Variants in C10orf90 observed in about 807,000 individuals in gnomAD.
C10orf90 encodes (E2-independent) E3 ubiquitin-conjugating enzyme FATS.
A neutral mutation model predicts 62.5 loss-of-function variants in C10orf90; 56 were observed. The ratio of observed to expected loss-of-function variants is 0.90; its 90% CI spans 0.72 to 1.12. The LOEUF (loss-of-function observed/expected upper bound fraction) is 1.12, where lower values mean the gene tolerates loss of function less well. C10orf90 is among the 50% of genes most tolerant of loss of function. The probability of loss-of-function intolerance (pLI) is 0.00; values close to 1 mark genes in which losing one functional copy is unlikely to be tolerated. For synonymous variants in C10orf90, 386 were observed against 340.4 expected (o/e 1.13, Z -1.47); for missense variants, 970 against 880.4 (o/e 1.10, Z -1.29).
At chr10:126,631,017 A>G (rs1744878172) in intron 2 of C10orf90, among the ~76,000 whole-genome samples, 1 of 151,900 alleles carries the variant, frequency 6.6e-6, no homozygotes, top group South Asian at 2.1e-4. Flanking sequence ...ACCCTTCCAC[A>G]CCTCTAGAAG....
At chr10:126,522,615 C>T (rs939818599) in intron 2 of C10orf90, 1 of 152,206 alleles carries the variant, frequency 6.6e-6, no homozygotes, top group East Asian at 1.9e-4. Context: ...ACCTGCTAAA[C>T]GCTGGACAGG....
At chr10:126,488,211 T>C (rs528200482) in intron 4 of C10orf90, among the ~76,000 whole-genome samples, 6 of 152,230 alleles carry the variant, frequency 3.9e-5, no homozygotes, top group African/African-American at 1.2e-4. Context: ...TGTATGATAA[T>C]AACTAGCAAA....
chr10:126,505,140 T>G (rs1862657228), intron 3 of C10orf90, 55 bp from the exon 4 acceptor site: 1 of 1,520,212 alleles, frequency 6.6e-7, no homozygotes, highest in African/African-American at 1.4e-5. Flanking sequence ...ATATAGACAG[T>G]AAACTCTCTT....
intron 2 of C10orf90, among the ~76,000 whole-genome samples, chr10:126,635,785 T>G (rs1845939449): frequency 6.6e-6 from 1 of 152,154 alleles, no homozygotes; most frequent in Admixed American, 6.5e-5. Flanking sequence ...TTTAATCTGT[T>G]ATATAACCTG....
intron 2 of C10orf90, among the ~76,000 whole-genome samples, chr10:126,528,370 G>A (rs1164143884): frequency 6.6e-6 from 1 of 152,144 alleles, no homozygotes; most frequent in African/African-American, 2.4e-5. Flanking sequence ...AAAAGGAGAA[G>A]CGTGTGTGGG....
chr10:126,601,962 A>G (rs1429600321), intron 2 of C10orf90, among the ~76,000 whole-genome samples: 1 of 152,252 alleles, frequency 6.6e-6, no homozygotes, highest in Non-Finnish European at 1.5e-5. Context: ...CGACTGTCCT[A>G]AAGATGAATA....
Position 126,532,857 on chromosome 10 carries a change from AT to A in C10orf90, c.314-18919del, listed in dbSNP as rs1458309203. ...GACTACGTCTCAAAAAAAAAAAAAA[AT>A]AGTGAGCACAAAACAAGTGTTTTCA... On this transcript the variant is annotated intron_variant, in intron 2 of 9. Coordinates refer to ENST00000488181, the MANE Select transcript of C10orf90 (RefSeq NM_001350921.2). Among the ~76,000 whole-genome samples, 6 of 77,718 alleles carry A rather than the reference AT, an allele frequency of 7.7e-5. 1 individual carries two copies. Among genetic ancestry groups the A allele is most frequent in the Non-Finnish European group, 1.0e-4 (3 of 29,812 alleles). The allele number at this position is 77,718 out of a possible 152,430, so 51.0% of individuals were successfully genotyped here.
intron 2 of C10orf90, among the ~76,000 whole-genome samples, chr10:126,540,743 C>T (rs1024396812): frequency 3.3e-5 from 5 of 150,550 alleles, no homozygotes; most frequent in South Asian, 2.1e-4. Context: ...TACTGCATAT[C>T]GAAACCTACA....
intron 4 of C10orf90, among the ~76,000 whole-genome samples, chr10:126,469,294 C>A (rs1860445795): frequency 1.3e-5 from 2 of 152,294 alleles, no homozygotes; most frequent in South Asian, 4.1e-4. Context: ...AAACTTAGCT[C>A]TTTAGAACAT....
chr10:126,622,967 A>G (rs1845674951), intron 2 of C10orf90, among the ~76,000 whole-genome samples: 1 of 152,248 alleles, frequency 6.6e-6, no homozygotes, highest in African/African-American at 2.4e-5. Flanking sequence ...TTCGCACGAA[A>G]TATTAAGAAT....
In C10orf90 at chr10:126,504,415, T is replaced by A. The variant is rs1437964563; in HGVS notation, c.1076A>T (p.Asp359Val). ...VHLRVSQQCP[D>V]SIYYVDKSLS... The stretch of plus-strand genomic sequence containing the variant: ...AGACTTGTCTACGTAATAGATTGAA[T>A]CTGGACACTGCTGAGACACCCTGAG... Residue 359 changes from aspartate (D) to valine (V), a missense_variant, in exon 4 of 10, where the codon GAT becomes GTT. Asp to Val is a radical substitution (Grantham distance 152). Coordinates refer to ENST00000488181, the MANE Select transcript of C10orf90 (RefSeq NM_001350921.2). The surrounding 1 kb of genome is among the most constrained non-coding windows in gnomAD (Gnocchi z 4.1). The A allele has an allele frequency of 6.2e-7, 1 of 1,614,130 alleles. No individual in the cohort carries two copies. The highest frequency in any genetic ancestry group is 1.3e-5 in the African/African-American group (1 of 75,030).
intron 4 of C10orf90, among the ~76,000 whole-genome samples, chr10:126,485,843 A>T (rs1431001413): frequency 7.2e-5 from 11 of 151,780 alleles, no homozygotes; most frequent in Non-Finnish European, 2.9e-5. Context: ...GCTACTCAGG[A>T]GGCTGAGGCA....
chr10:126,641,545 CCTCT>C (rs1846059139), intron 2 of C10orf90, among the ~76,000 whole-genome samples: 1 of 151,964 alleles, frequency 6.6e-6, no homozygotes, highest in Non-Finnish European at 1.5e-5. Context: ...TCATCATTTC[CCTCT>C]CTATTTACAT....
chr10:126,575,692 T>C (rs979990073), intron 2 of C10orf90, among the ~76,000 whole-genome samples: 4 of 151,982 alleles, frequency 2.6e-5, no homozygotes, highest in African/African-American at 9.7e-5. Flanking sequence ...ACTACAAAGC[T>C]ATAGTAACCC....
intron 2 of C10orf90, among the ~76,000 whole-genome samples, chr10:126,580,848 T>C (rs995070115): frequency 6.9e-6 from 1 of 144,912 alleles, no homozygotes; most frequent in African/African-American, 2.9e-5. Context: ...TATGAGTGTG[T>C]GTCTGTGCAT....
chr10:126,564,191 A>C (rs1844247261), intron 2 of C10orf90, among the ~76,000 whole-genome samples: 1 of 152,054 alleles, frequency 6.6e-6, no homozygotes, highest in Non-Finnish European at 1.5e-5. Context: ...CCGGAGAAGC[A>C]TATGCCAAAA....
At chr10:126,523,365 T>C (rs934646701) in intron 2 of C10orf90, 9 of 152,218 alleles carry the variant, frequency 5.9e-5, no homozygotes, top group African/African-American at 2.2e-4. Context: ...CATGCCACTA[T>C]CTCAGTGCAG....
intron 2 of C10orf90, among the ~76,000 whole-genome samples, chr10:126,600,112 C>T (rs1221762298): frequency 6.7e-6 from 1 of 148,338 alleles, no homozygotes; most frequent in East Asian, 1.9e-4. Context: ...TGCGTGCATG[C>T]GTGTGCACGC....
Position 126,513,887 on chromosome 10 carries a change from G to A in C10orf90, c.366C>T (p.Leu122=), listed in dbSNP as rs1010659147. The part of the protein sequence containing the change: ...SRRDQIALKN[L]QSDVTEAKSD... ...ATTTTGCCTCTGTGACATCAGACTGGAGATTTTTAAGGGCAATTTGATCTC... is the reference window on the plus strand; with the variant it reads ...ATTTTGCCTCTGTGACATCAGACTGAAGATTTTTAAGGGCAATTTGATCTC... The change falls in exon 3 of 10, where the codon CTC becomes CTT. Residue 122 remains leucine (L), a synonymous_variant. Coordinates refer to ENST00000488181, the MANE Select transcript of C10orf90 (RefSeq NM_001350921.2). The A allele has an allele frequency of 6.2e-7, 1 of 1,613,374 alleles. No homozygotes were observed. The highest frequency in any genetic ancestry group is 8.5e-7 in the Non-Finnish European group (1 of 1,179,504).
Sources: gnomAD v4.1 joint callset for allele counts (sites outside exome capture counted in the v4.1 genomes callset) on GRCh38, gnomAD v4.1.1 for gene constraint, Gnocchi (gnomAD v3.1) non-coding constraint, MANE v1.5 for transcripts, NCBI Gene and HGNC (gene_info 2026-07-23, HGNC 2026-07-21) for gene names.